Variants in MUC5AC observed in about 807,000 individuals in gnomAD.
MUC5AC encodes the protein mucin 5AC, oligomeric mucus/gel-forming.
MUC5AC carries 158 observed loss-of-function variants against 169.7 expected under a neutral mutation model. That is an observed-to-expected ratio of 0.93 (90% CI 0.82 to 1.06). MUC5AC has a LOEUF of 1.06. Among genes scored for constraint, MUC5AC ranks in the 50% least tolerant of loss-of-function variants. The pLI, the probability that MUC5AC is intolerant of heterozygous loss-of-function variation, is 0.00. For missense variants in MUC5AC, 4,359 were observed against 3,089.9 expected (o/e 1.41, Z -9.74); for synonymous variants, 1,975 against 1,237.0 (o/e 1.60, Z -12.52).
intron 19 of MUC5AC, among the ~76,000 whole-genome samples, chr11:1,175,946 C>T (rs1169358924): frequency 2.5e-4 from 37 of 147,012 alleles, no homozygotes; most frequent in Admixed American, 2.2e-3. Context: ...TACTCATGCA[C>T]ACACACTCAC....
rs1860829149 is a variant in MUC5AC, at chr11:1,182,135, G to A, written c.4010-20G>A. The stretch of plus-strand genomic sequence containing the variant: ...AAGTGCGGGCCTCTCATGCTCAGCT[G>A]CCTTCTCTTCTGCCCACAGTCGTGA... On this transcript the variant is annotated intron_variant, in intron 30 of 48. Transcript: ENST00000621226. The A allele has an allele frequency of 1.5e-5, 6 of 398,578 alleles. 1 individual carries two copies. The highest frequency in any genetic ancestry group is 6.3e-4 in the Middle Eastern group (1 of 1,592). The allele number at this position is 398,578 out of a possible 1,614,324, so 24.7% of individuals were successfully genotyped here. A position where few individuals can be genotyped will look rare whatever the true frequency, so the allele number is the denominator to read the frequency against.
In MUC5AC at chr11:1,188,736, G is replaced by T; in HGVS notation, c.10591G>T (p.Asp3531Tyr). ...CCGGTGCACCTGGACCAAATGGTTT[G>T]ATGTGGACTTTCCATCCCCTGGACC... is the stretch of plus-strand genomic sequence containing the variant. ...HPRCTWTKWF[D>Y]VDFPSPGPHG... The change falls in exon 31 of 49, where the codon GAT (aspartate) becomes TAT (tyrosine). Residue 3531 changes from aspartate (D) to tyrosine (Y), a missense_variant. By Grantham distance (160) the Asp-to-Tyr change is radical. Coordinates refer to ENST00000621226, the MANE Select transcript of MUC5AC (RefSeq NM_001304359.2). 2 of 763,342 alleles carry T rather than the reference G, an allele frequency of 2.6e-6. No individual in the cohort carries two copies. The highest frequency in any genetic ancestry group is 1.3e-5 in the South Asian group (1 of 74,430). 47.3% of individuals were successfully genotyped at this position (763,342 alleles called of 1,614,324 possible).
chr11:1,199,656 G>A (rs773734678), intron 46 of MUC5AC, 39 bp from the exon 47 acceptor site: 2 of 701,786 alleles, frequency 2.8e-6, no homozygotes, highest in South Asian at 1.5e-5. Context: ...GGGGGCCGCC[G>A]AGCGCCTCGG....
chr11:1,193,605 C>T lies in MUC5AC; in HGVS notation c.14701C>T (p.Pro4901Ser). ...GAAGCCCACTTGTGCCAACGGCTAC[C>T]CGGCTGTGAAGGTGGCTGACCAAGA... ...VEKPTCANGY[P>S]AVKVADQDGC... is the part of the protein sequence containing the mutation. Residue 4901 changes from proline to serine, a missense_variant, in exon 33 of 49, where the codon CCG (proline) becomes TCG (serine). Coordinates refer to ENST00000621226, the MANE Select transcript of MUC5AC (RefSeq NM_001304359.2). 1.3e-6 allele frequency: 1 copy of T among 765,016 alleles called. No homozygotes were observed. The highest frequency in any genetic ancestry group is 2.4e-6 in the Non-Finnish European group (1 of 417,850). 47.4% of individuals were successfully genotyped at this position (765,016 alleles called of 1,614,324 possible). A position where few individuals can be genotyped will look rare whatever the true frequency, so the allele number is the denominator to read the frequency against.
At chr11:1,168,340 C>T (rs1418168045) in intron 12 of MUC5AC, 143 bp from the exon 13 acceptor site, 1 of 756,450 alleles carries the variant, frequency 1.3e-6, no homozygotes, top group African/African-American at 1.7e-5. Flanking sequence ...TTCAGAAAAT[C>T]AGGCGAGCAC....
intron 15 of MUC5AC, among the ~76,000 whole-genome samples, chr11:1,171,620 CGAA>C (rs1860542481): frequency 4.8e-5 from 6 of 124,082 alleles, no homozygotes; most frequent in East Asian, 2.4e-4. Context: ...CACCCACTCA[CGAA>C]CTCACTCACC....
At position 1,185,628 on chromosome 11, in the gene MUC5AC, G is replaced by A; in HGVS notation, c.7483G>A (p.Val2495Ile). The A allele has an allele frequency of 2.7e-6, 2 of 735,312 alleles. No individual in the cohort carries two copies. The highest frequency in any genetic ancestry group is 5.0e-6 in the Non-Finnish European group (2 of 402,938). 45.5% of individuals were successfully genotyped at this position (735,312 alleles called of 1,614,324 possible). ...TGGTCCTGAAACTACTCCTAGACCT[G>A]TTCCTACCACCAGCACAACCTCTTC... ...TSGPETTPRP[V>I]PTTSTTSSPT... Residue 2495 changes from valine (V) to isoleucine (I), a missense_variant, in exon 31 of 49, where the codon GTT (valine) becomes ATT (isoleucine). Physicochemically the swap from Val to Ile is conservative, Grantham distance 29 (BLOSUM62 3). Coordinates refer to ENST00000621226, the MANE Select transcript of MUC5AC (RefSeq NM_001304359.2).
intron 13 of MUC5AC, 28 bp from the exon 14 acceptor site, chr11:1,168,614 G>A (rs1315954052): frequency 1.2e-6 from 2 of 1,611,902 alleles, no homozygotes; most frequent in South Asian, 1.1e-5. Context: ...ACAGCCCCCA[G>A]CAAAACCCTT....
chr11:1,165,495 G>A, intron 10 of MUC5AC, 76 bp downstream of exon 10: 2 of 1,580,390 alleles, frequency 1.3e-6, no homozygotes, highest in Non-Finnish European at 8.6e-7. Flanking sequence ...ACCCAGGCCG[G>A]CAGGCTCCCT....
chr11:1,176,902 T>C, intron 21 of MUC5AC, 26 bp from the exon 22 acceptor site: 1 of 398,756 alleles, frequency 2.5e-6, no homozygotes, highest in South Asian at 1.3e-4. Flanking sequence ...GTGTGTGCTC[T>C]AGCCTGACCC....
chr11:1,168,901 T>A lies in MUC5AC; in HGVS notation c.1745T>A (p.Phe582Tyr), dbSNP rs748492748. 3.7e-6 allele frequency: 6 copies of A among 1,610,040 alleles called. No individual in the cohort carries two copies. The highest frequency in any genetic ancestry group is 5.1e-6 in the Non-Finnish European group (6 of 1,178,490). Residue 582 changes from phenylalanine (F) to tyrosine (Y), a missense_variant, in exon 15 of 49, where the codon TTC becomes TAC. Coordinates refer to ENST00000621226, the MANE Select transcript of MUC5AC (RefSeq NM_001304359.2). ...TTCAACAGCATCCAGGCCGATGACT[T>A]CCGGACCCTCAGTGGGGTGGTGGAG... ...GNFNSIQADD[F>Y]RTLSGVVEAT...
chr11:1,200,164 C>T (rs754093300), intron 48 of MUC5AC, among the ~76,000 whole-genome samples, 195 bp downstream of exon 48: 9 of 152,210 alleles, frequency 5.9e-5, no homozygotes, highest in Non-Finnish European at 1.0e-4. Context: ...GAGCCTGTGT[C>T]GGCATCACGC....
rs749199349 is a variant in MUC5AC at position 1,199,068 on chromosome 11, A to G, written c.16297-19A>G. Reference sequence around the variant, plus strand: ...CAGCGGTCGCCTGGATTCCAGCCACATGTCCATCCCTCCCGCAGGGCTTCG... The same window carrying G: ...CAGCGGTCGCCTGGATTCCAGCCACGTGTCCATCCCTCCCGCAGGGCTTCG... On this transcript the variant is annotated intron_variant, in intron 44 of 48. Transcript: ENST00000621226. 1.3e-5 allele frequency: 10 copies of G among 763,664 alleles called. No homozygotes were observed. The highest frequency in any genetic ancestry group is 1.1e-4 in the South Asian group (8 of 74,400). 47.3% of individuals were successfully genotyped at this position (763,664 alleles called of 1,614,324 possible).
chr11:1,190,702 T>A lies in MUC5AC; in HGVS notation c.12557T>A (p.Ile4186Asn), dbSNP rs1323603741. ...STISASTTSTISAPTTSTISS... is the reference protein window; with the variant it reads ...STISASTTSTNSAPTTSTISS... Reference sequence around the variant, plus strand: ...ATCTCTGCCTCTACAACCAGCACAATCTCTGCCCCTACAACCAGCACAATC... The same window carrying A: ...ATCTCTGCCTCTACAACCAGCACAAACTCTGCCCCTACAACCAGCACAATC... The change falls in exon 31 of 49, where the codon ATC (isoleucine) becomes AAC (asparagine). Residue 4186 changes from isoleucine to asparagine, a missense_variant. By Grantham distance (149) the Ile-to-Asn change is moderately radical. Transcript: ENST00000621226. 1.6e-6 allele frequency: 1 copy of A among 638,218 alleles called. No individual in the cohort carries two copies. Among genetic ancestry groups the A allele is most frequent in the Non-Finnish European group, 2.8e-6 (1 of 357,402 alleles). The allele number at this position is 638,218 out of a possible 1,614,324, so 39.5% of individuals were successfully genotyped here.
chr11:1,198,350 C>A (rs1835155349), intron 43 of MUC5AC, 45 bp downstream of exon 43: 1 of 722,136 alleles, frequency 1.4e-6, no homozygotes, highest in Non-Finnish European at 2.5e-6. Flanking sequence ...AGGGACGGAG[C>A]TTCCCACTGA....
chr11:1,170,500 C>T (rs2133732224), intron 15 of MUC5AC, among the ~76,000 whole-genome samples: 2 of 140,634 alleles, frequency 1.4e-5, no homozygotes, highest in African/African-American at 2.7e-5. Context: ...CACTCACCCA[C>T]TCACCGACTC....
In MUC5AC at chr11:1,191,228, A is replaced by T; in HGVS notation, c.13083A>T (p.Thr4361=). The T allele has an allele frequency of 1.4e-6, 1 of 738,498 alleles. No individual in the cohort carries two copies. Among genetic ancestry groups the T allele is most frequent in the Non-Finnish European group, 2.5e-6 (1 of 402,400 alleles). 45.7% of individuals were successfully genotyped at this position (738,498 alleles called of 1,614,324 possible). Residue 4361 remains threonine (T), a synonymous_variant, in exon 31 of 49, where the codon ACA becomes ACT. Coordinates refer to ENST00000621226, the MANE Select transcript of MUC5AC (RefSeq NM_001304359.2). Reference sequence around the variant, plus strand: ...CAACCTCTGCTCCTACAACCAGCACAACCTCTGCCTCTACAGCCAGCACAA... The same window carrying T: ...CAACCTCTGCTCCTACAACCAGCACTACCTCTGCCTCTACAGCCAGCACAA... The part of the protein sequence containing the change: ...TSTTSAPTTS[T]TSASTASTTS...
At position 1,190,651 on chromosome 11, in the gene MUC5AC, C is replaced by G; in HGVS notation, c.12506C>G (p.Thr4169Arg). Residue 4169 changes from threonine to arginine, a missense_variant, in exon 31 of 49, where the codon ACA (threonine) becomes AGA (arginine). By Grantham distance (71) the Thr-to-Arg change is moderately conservative. Coordinates refer to ENST00000621226, the MANE Select transcript of MUC5AC (RefSeq NM_001304359.2). ...ACAACCTCTGCTCCAACAACCAGCA[C>G]AAACTCTGCTCCTACAACCAGCACA... ...TSTTSAPTTSTNSAPTTSTIS... is the reference protein window; with the variant it reads ...TSTTSAPTTSRNSAPTTSTIS... The G allele has an allele frequency of 1.4e-6, 1 of 694,690 alleles. No homozygotes were observed. Among genetic ancestry groups the G allele is most frequent in the Non-Finnish European group, 2.6e-6 (1 of 380,554 alleles). The allele number at this position is 694,690 out of a possible 1,614,324, so 43.0% of individuals were successfully genotyped here. A position where few individuals can be genotyped will look rare whatever the true frequency, so the allele number is the denominator to read the frequency against.
Position 1,181,418 on chromosome 11 carries a change from CT to C in MUC5AC, c.3969del (p.Val1324SerfsTer15), listed in dbSNP as rs1383762507. The C allele has an allele frequency of 7.5e-6, 3 of 397,698 alleles. No individual in the cohort carries two copies. The highest frequency in any genetic ancestry group is 2.1e-5 in the African/African-American group (1 of 48,486). 24.6% of individuals were successfully genotyped at this position (397,698 alleles called of 1,614,324 possible). ...RRVYPCSPTT[P>X]VPPTTFSFST... ...GTCTACCCCTGCAGCCCCACCACCC[CT>C]GTCCCCCCAACCACCTTCTCCTTCT... is the stretch of plus-strand genomic sequence containing the variant. On this transcript the variant is annotated frameshift_variant, in exon 30 of 49. Coordinates refer to ENST00000621226, the MANE Select transcript of MUC5AC (RefSeq NM_001304359.2). LOFTEE classifies it high-confidence loss of function.
Sources: gnomAD v4.1 joint callset for allele counts (sites outside exome capture counted in the v4.1 genomes callset) on GRCh38, gnomAD v4.1.1 for gene constraint, MANE v1.5 for transcripts, NCBI Gene and HGNC (gene_info 2026-07-23, HGNC 2026-07-21) for gene names.